UGDH: variants seen among roughly 807,000 people sequenced by gnomAD.
UGDH encodes the protein UDP-glucose 6-dehydrogenase.
A neutral mutation model predicts 50.6 loss-of-function variants in UGDH; 38 were observed. That is an observed-to-expected ratio of 0.75 (90% confidence interval 0.58 to 0.98). The LOEUF (loss-of-function observed/expected upper bound fraction) is 0.98, where lower values mean the gene tolerates loss of function less well. UGDH is among the 50% of genes least tolerant of loss of function. The pLI, the probability that UGDH is intolerant of heterozygous loss-of-function variation, is 0.00. For missense variants in UGDH, 465 were observed against 606.2 expected (o/e 0.77, Z 2.45); for synonymous variants, 168 against 199.9 (o/e 0.84, Z 1.35).
In UGDH at chr4:39,510,864, G is replaced by A; in HGVS notation, c.265-3C>T. On this transcript the variant is annotated splice_region_variant and splice_polypyrimidine_tract_variant and intron_variant, in intron 3 of 11. Coordinates refer to ENST00000316423, the MANE Select transcript of UGDH (RefSeq NM_003359.4). ...TAGGTTTTTGTTGGAGTATTCACCT[G>A]ATGTAAGTATATGGGATAAAGAACA... 11 of 1,614,068 alleles carry A rather than the reference G, an allele frequency of 6.8e-6. No individual in the cohort carries two copies. Among genetic ancestry groups the A allele is most frequent in the Non-Finnish European group, 9.3e-6 (11 of 1,180,010 alleles).
intron 1 of UGDH, among the ~76,000 whole-genome samples, chr4:39,523,948 A>C (rs1746775749): frequency 1.3e-5 from 2 of 152,212 alleles, no homozygotes; most frequent in South Asian, 4.1e-4. Flanking sequence ...CTTCCACACA[A>C]GCAATCCGTT....
At chr4:39,500,931 G>A (rs573313974) in intron 11 of UGDH, among the ~76,000 whole-genome samples, 10 of 151,302 alleles carry the variant, frequency 6.6e-5, no homozygotes, top group East Asian at 3.9e-4. Flanking sequence ...TGGGATTACC[G>A]GCGTGAGCCA....
At chr4:39,500,310 T>A in intron 11 of UGDH, 57 bp from the exon 12 acceptor site, 1 of 1,132,190 alleles carries the variant, frequency 8.8e-7, no homozygotes, top group Non-Finnish European at 1.3e-6. Flanking sequence ...TGTAAGAATT[T>A]ATAATGTACT....
chr4:39,505,844 A>T, intron 7 of UGDH, 96 bp from the exon 8 acceptor site: 5 of 1,243,834 alleles, frequency 4.0e-6, no homozygotes, highest in Non-Finnish European at 3.2e-6. Context: ...CTATTGTACA[A>T]ATACAATGCT....
At chr4:39,509,459 G>C (rs1433736560) in intron 6 of UGDH, among the ~76,000 whole-genome samples, 2 of 152,170 alleles carry the variant, frequency 1.3e-5, no homozygotes, top group Non-Finnish European at 2.9e-5. Flanking sequence ...ACAAAAACAA[G>C]TTGTGGGCTG....
intron 3 of UGDH, 125 bp downstream of exon 3, chr4:39,513,958 C>A: frequency 1.4e-6 from 1 of 731,488 alleles, no homozygotes; most frequent in Non-Finnish European, 2.2e-6. Context: ...AACCAAAATT[C>A]ACCGGACAAC....
chr4:39,508,604 C>T lies in UGDH; in HGVS notation c.868G>A (p.Ala290Thr). ...CGAGCTACTTCTGGCAAATTCAGAG[C>T]CTCACAGAGATAAACCAAATTCAGA... is the stretch of plus-strand genomic sequence containing the variant. ...DVLNLVYLCE[A>T]LNLPEVARYW... Residue 290 changes from alanine (A) to threonine (T), a missense_variant, in exon 7 of 12, where the codon GCT becomes ACT. Physicochemically the swap from Ala to Thr is moderately conservative, Grantham distance 58. Coordinates refer to ENST00000316423, the MANE Select transcript of UGDH (RefSeq NM_003359.4). The T allele has an allele frequency of 6.2e-7, 1 of 1,610,034 alleles. No homozygotes were observed. The highest frequency in any genetic ancestry group is 8.5e-7 in the Non-Finnish European group (1 of 1,178,774).
At chr4:39,516,545 A>G (rs980966335) in intron 2 of UGDH, among the ~76,000 whole-genome samples, 7 of 152,218 alleles carry the variant, frequency 4.6e-5, no homozygotes, top group African/African-American at 1.7e-4. Context: ...ATATCCATCC[A>G]TAATATTATG....
Position 39,509,841 on chromosome 4 carries a change from T to A in UGDH, c.730A>T (p.Thr244Ser). The A allele has an allele frequency of 1.9e-6, 3 of 1,613,416 alleles. No individual in the cohort carries two copies. Among genetic ancestry groups the A allele is most frequent in the Non-Finnish European group, 2.5e-6 (3 of 1,179,984 alleles). ...GCTACCTCTTCTACATCAGCTCCTG[T>A]TGCTTCACACAGAGCACTTATGGAG... ...INSISALCEA[T>S]GADVEEVATA... The change falls in exon 6 of 12, where the codon ACA (threonine) becomes TCA (serine). Residue 244 changes from threonine (T) to serine (S), a missense_variant. Coordinates refer to ENST00000316423, the MANE Select transcript of UGDH (RefSeq NM_003359.4).
At chr4:39,512,365 G>A (rs1246139591) in intron 3 of UGDH, among the ~76,000 whole-genome samples, 1 of 152,144 alleles carries the variant, frequency 6.6e-6, no homozygotes, top group African/African-American at 2.4e-5. Flanking sequence ...GTGAAAAGCA[G>A]GAGGAAAAAG....
intron 7 of UGDH, among the ~76,000 whole-genome samples, chr4:39,507,799 A>T (rs1355941635): frequency 1.3e-5 from 2 of 152,092 alleles, no homozygotes; most frequent in East Asian, 1.9e-4. Context: ...AAAATTTTTT[A>T]AATAAAAAAA....
intron 2 of UGDH, among the ~76,000 whole-genome samples, chr4:39,514,768 C>CGTCTCCTGGGTTCAAGCAG (rs1746381536): frequency 6.6e-6 from 1 of 151,760 alleles, no homozygotes; most frequent in South Asian, 2.1e-4. Context: ...CTGCGACTTC[C>CGTCTCCTGGGTTCAAGCAG]GTCTCCTGGG....
intron 3 of UGDH, among the ~76,000 whole-genome samples, chr4:39,511,170 C>CT: frequency 6.6e-6 from 1 of 152,100 alleles, no homozygotes; most frequent in East Asian, 1.9e-4. Flanking sequence ...TCCTAAAGGA[C>CT]TTCACAATCT....
At chr4:39,525,501 C>CTTT (rs137989200) in intron 1 of UGDH, among the ~76,000 whole-genome samples, 106,348 of 148,130 alleles carry the variant, frequency 0.72, 38,329 homozygotes, top group East Asian at 0.9. Context: ...GCCCCATTTT[C>CTTT]TTTTCTTTTT....
At chr4:39,504,286 C>T (rs1458566243) in intron 10 of UGDH, 131 bp downstream of exon 10, 16 of 778,118 alleles carry the variant, frequency 2.1e-5, no homozygotes, top group Admixed American at 1.0e-4. Flanking sequence ...CCAGCCAGGG[C>T]GACAGAGCGA....
At position 39,513,147 on chromosome 4, in the gene UGDH, C is replaced by T. The variant is rs560137903; in HGVS notation, c.264+936G>A. Among the ~76,000 whole-genome samples, 7 of 152,284 alleles carry T rather than the reference C, an allele frequency of 4.6e-5. No individual in the cohort carries two copies. In the South Asian group the frequency reaches 1.5e-3, roughly 32 times the overall value. ...GTCATATAACACCCTCACTCAGCTT[C>T]CAACTGGTGATAGCTATATCATTAC... On this transcript the variant is annotated intron_variant, in intron 3 of 11. Transcript: ENST00000316423.
intron 2 of UGDH, among the ~76,000 whole-genome samples, chr4:39,520,120 CCT>C (rs1746589487): frequency 6.6e-6 from 1 of 152,122 alleles, no homozygotes; most frequent in South Asian, 2.1e-4. Flanking sequence ...GGGGCGATCC[CCT>C]GAGGTCAGGA....
rs759328854 is a variant in UGDH, at chr4:39,509,801, A to T, written c.770T>A (p.Met257Lys). ...DVEEVATAIG[M>K]DQRIGNKFLK... The stretch of plus-strand genomic sequence containing the variant: ...AAACTTGTTTCCAATTCTCTGGTCC[A>T]TTCCAATCGCTGTTGCTACCTCTTC... Residue 257 changes from methionine (M) to lysine (K), a missense_variant, in exon 6 of 12, where the codon ATG becomes AAG. Transcript: ENST00000316423. 3 of 1,613,252 alleles carry T rather than the reference A, an allele frequency of 1.9e-6. No homozygotes were observed. In the African/African-American group the frequency reaches 4.0e-5, roughly 22 times the overall value.
intron 3 of UGDH, among the ~76,000 whole-genome samples, chr4:39,511,251 A>G (rs1470969910): frequency 1.3e-5 from 2 of 150,132 alleles, no homozygotes; most frequent in African/African-American, 5.0e-5. Flanking sequence ...GTCCTTAAAA[A>G]TAAGTTTTAA....
Sources: allele counts gnomAD v4.1 joint callset (sites outside exome capture counted in the v4.1 genomes callset), GRCh38; gene constraint gnomAD v4.1.1; transcripts MANE v1.5; gene names NCBI Gene and HGNC (gene_info 2026-07-23, HGNC 2026-07-21).